Variants in CFAP54 observed in about 807,000 individuals in gnomAD.
CFAP54 encodes the protein cilia and flagella associated protein 54.
In CFAP54, 290 loss-of-function variants were observed where a neutral mutation model predicts 370.4. The observed-to-expected ratio is 0.78, with a 90% CI of 0.71 to 0.86. CFAP54 has a LOEUF of 0.86. Ranked by LOEUF, CFAP54 falls within the 40% of genes least tolerant of loss-of-function variation. CFAP54 has a pLI of 0.00. For synonymous variants in CFAP54, 1,206 were observed against 1,236.5 expected (o/e 0.98, Z 0.52); for missense variants, 3,399 against 3,528.7 (o/e 0.96, Z 0.93).
chr12:96,796,506 C>A (rs558449281), intron 63 of CFAP54, among the ~76,000 whole-genome samples: 8 of 152,158 alleles, frequency 5.3e-5, no homozygotes, highest in African/African-American at 1.9e-4. Flanking sequence ...TGAGAAATAG[C>A]GATATCATTC....
chr12:96,689,546 A>T (rs1023888862), intron 43 of CFAP54, among the ~76,000 whole-genome samples: 2 of 152,172 alleles, frequency 1.3e-5, no homozygotes, highest in African/African-American at 4.8e-5. Flanking sequence ...GTCTCCTGTC[A>T]TTAGGAAGAT....
chr12:96,730,780 C>T (rs1774846799), intron 50 of CFAP54, among the ~76,000 whole-genome samples: 1 of 152,186 alleles, frequency 6.6e-6, no homozygotes, highest in African/African-American at 2.4e-5. Context: ...CAGAAATCCT[C>T]ATTTGCTTTG....
intron 60 of CFAP54, among the ~76,000 whole-genome samples, chr12:96,769,188 T>C (rs1958431434): frequency 6.6e-6 from 1 of 152,214 alleles, no homozygotes; most frequent in Non-Finnish European, 1.5e-5. Flanking sequence ...CTTATCATTT[T>C]GTCTTGATTT....
intron 55 of CFAP54, among the ~76,000 whole-genome samples, chr12:96,745,826 A>G (rs1362781842): frequency 1.3e-5 from 2 of 152,258 alleles, no homozygotes; most frequent in Non-Finnish European, 1.5e-5. Flanking sequence ...AAAAGTCTTC[A>G]TATTTTTATG....
chr12:96,627,298 A>G (rs963926192), intron 30 of CFAP54, among the ~76,000 whole-genome samples: 4 of 152,212 alleles, frequency 2.6e-5, no homozygotes, highest in African/African-American at 7.2e-5. Flanking sequence ...TTCTATGGTA[A>G]CAAATAGAGC....
chr12:96,858,932 C>A (rs1049212864), intron 66 of CFAP54, among the ~76,000 whole-genome samples: 3 of 152,148 alleles, frequency 2.0e-5, no homozygotes, highest in Non-Finnish European at 2.9e-5. Context: ...AACCAAAAGA[C>A]AGCCTAAATA....
intron 5 of CFAP54, among the ~76,000 whole-genome samples, chr12:96,516,190 C>T (rs1955233460): frequency 6.6e-6 from 1 of 152,064 alleles, no homozygotes; most frequent in Non-Finnish European, 1.5e-5. Flanking sequence ...GCTGGGATTA[C>T]AGGTGTGAGC....
intron 26 of CFAP54, among the ~76,000 whole-genome samples, chr12:96,612,983 A>T (rs1257706498): frequency 3.3e-5 from 5 of 152,196 alleles, no homozygotes; most frequent in African/African-American, 1.2e-4. Context: ...GTTAAAAAGG[A>T]TATACAGGAA....
chr12:96,770,188 A>ATGTGTGTGTG (rs57662567), intron 60 of CFAP54, among the ~76,000 whole-genome samples: 13 of 150,940 alleles, frequency 8.6e-5, no homozygotes, highest in Admixed American at 3.3e-4. Context: ...TGAAGGTGGG[A>ATGTGTGTGTG]TGTGTGTGTG....
chr12:96,521,373 C>T (rs1955310371), intron 6 of CFAP54, among the ~76,000 whole-genome samples: 1 of 152,124 alleles, frequency 6.6e-6, no homozygotes, highest in Non-Finnish European at 1.5e-5. Flanking sequence ...CAGTGTGCTG[C>T]GTATTGGAGA....
intron 65 of CFAP54, among the ~76,000 whole-genome samples, chr12:96,826,867 ATTATGATATATTATATAATAT>A (rs1565993823): frequency 8.5e-6 from 1 of 117,176 alleles, no homozygotes; most frequent in East Asian, 2.8e-4. Flanking sequence ...ATTATATAAT[ATTATGATATATTATATAATAT>A]TATATGATAT....
Position 96,598,723 on chromosome 12 carries a change from AG to A in CFAP54, c.3596del (p.Ser1199IlefsTer5). On this transcript the variant is annotated frameshift_variant, in exon 26 of 68. Coordinates refer to ENST00000524981, the MANE Select transcript of CFAP54 (RefSeq NM_001306084.2). LOFTEE classifies it high-confidence loss of function. ...CSKKHTASFE[S>X]IQHMIACCIF... is the part of the protein sequence containing the mutation. ...GAAGAAACATACTGCGAGCTTTGAA[AG>A]TATACAACACATGATAGCTTGTTGT... 1 of 679,186 alleles carries A rather than the reference AG, an allele frequency of 1.5e-6. No homozygotes were observed. Among genetic ancestry groups the A allele is most frequent in the South Asian group, 1.6e-5 (1 of 62,670 alleles). The allele number at this position is 679,186 out of a possible 1,614,324, so 42.1% of individuals were successfully genotyped here.
At chr12:96,873,686 A>ATTT in intron 67 of CFAP54, among the ~76,000 whole-genome samples, 1 of 152,370 alleles carries the variant, frequency 6.6e-6, no homozygotes, top group South Asian at 2.1e-4. Flanking sequence ...CTGCCATTAC[A>ATTT]GTGCAAAAGC....
intron 26 of CFAP54, among the ~76,000 whole-genome samples, chr12:96,617,797 TG>T: frequency 6.6e-6 from 1 of 152,206 alleles, no homozygotes; most frequent in South Asian, 2.1e-4. Flanking sequence ...AAGACCATCC[TG>T]GCTAACACGG....
chr12:96,711,194 A>G (rs770872775), intron 48 of CFAP54, among the ~76,000 whole-genome samples: 68 of 152,034 alleles, frequency 4.5e-4, no homozygotes, highest in Non-Finnish European at 7.2e-4. Flanking sequence ...TTGGCATACA[A>G]TTTTTTCATA....
intron 39 of CFAP54, among the ~76,000 whole-genome samples, chr12:96,675,389 T>G (rs551709411): frequency 1.3e-5 from 2 of 152,278 alleles, no homozygotes; most frequent in African/African-American, 4.8e-5. Flanking sequence ...CACAATGAGA[T>G]ACCATCTCAC....
intron 12 of CFAP54, among the ~76,000 whole-genome samples, chr12:96,538,003 G>A (rs1439916695): frequency 6.6e-6 from 1 of 151,948 alleles, no homozygotes; most frequent in African/African-American, 2.4e-5. Flanking sequence ...CACGAGAATC[G>A]CTTGAACCTG....
chr12:96,568,072 A>G (rs1466378501), intron 19 of CFAP54, among the ~76,000 whole-genome samples: 1 of 151,644 alleles, frequency 6.6e-6, no homozygotes, highest in Non-Finnish European at 1.5e-5. Context: ...CAGTCTATTA[A>G]CTGTGTTAGC....
intron 14 of CFAP54, among the ~76,000 whole-genome samples, chr12:96,545,854 A>G (rs990143851): frequency 6.6e-6 from 1 of 152,238 alleles, no homozygotes; most frequent in Non-Finnish European, 1.5e-5. Context: ...GAACTTCTGG[A>G]TAGCTGAGCA....
Sources: gnomAD v4.1 joint callset for allele counts (sites outside exome capture counted in the v4.1 genomes callset) on GRCh38, gnomAD v4.1.1 for gene constraint, MANE v1.5 for transcripts, NCBI Gene and HGNC (gene_info 2026-07-23, HGNC 2026-07-21) for gene names.